Variants in RALGAPB observed in about 807,000 individuals in gnomAD.
The protein encoded by RALGAPB is ral GTPase-activating protein subunit beta.
A neutral mutation model predicts 161.1 loss-of-function variants in RALGAPB; 25 were observed. That is an observed-to-expected ratio of 0.16 (90% CI 0.11 to 0.22). The LOEUF (loss-of-function observed/expected upper bound fraction) is 0.22, where lower values mean the gene tolerates loss of function less well. RALGAPB is among the 10% of genes least tolerant of loss of function. The probability of loss-of-function intolerance (pLI) is 1.00; values close to 1 mark genes in which losing one functional copy is unlikely to be tolerated. For synonymous variants in RALGAPB, 629 were observed against 626.1 expected (o/e 1.00, Z -0.07); for missense variants, 1,391 against 1,815.2 (o/e 0.77, Z 4.25).
intron 24 of RALGAPB, among the ~76,000 whole-genome samples, chr20:38,563,467 G>A (rs2087864078): frequency 6.6e-6 from 1 of 152,172 alleles, no homozygotes; most frequent in African/African-American, 2.4e-5. Flanking sequence ...CCATCTCTGA[G>A]GATTCTTGCC....
At position 38,568,333 on chromosome 20, in the gene RALGAPB, T is replaced by TAC. The variant is rs771008935; in HGVS notation, c.3954+1102_3954+1103dup. ...GAAAACGCAGTTGACAAAAATTCAG[T>TAC]ACTCATTTATGAGAAAAGTTCTCAG... On this transcript the variant is annotated intron_variant, in intron 26 of 29. Coordinates refer to ENST00000262879, the MANE Select transcript of RALGAPB (RefSeq NM_020336.4). 8 of 152,178 alleles carry TAC rather than the reference T, an allele frequency of 5.3e-5. No individual in the cohort carries two copies. In the East Asian group the frequency reaches 1.4e-3, roughly 26 times the overall value. 9.4% of individuals were successfully genotyped at this position (152,178 alleles called of 1,614,324 possible). A position where few individuals can be genotyped will look rare whatever the true frequency, so the allele number is the denominator to read the frequency against.
Position 38,535,088 on chromosome 20 carries a change from T to C in RALGAPB, c.2260T>C (p.Ser754Pro). 6.2e-7 allele frequency: 1 copy of C among 1,614,056 alleles called. No homozygotes were observed. The highest frequency in any genetic ancestry group is 8.5e-7 in the Non-Finnish European group (1 of 1,179,900). ...LLRDYALNTDSAAGLLIRSIH... is the reference protein window; with the variant it reads ...LLRDYALNTDPAAGLLIRSIH... ...TTATATCCTAGCTCTTAATACAGAT[T>C]CAGCTGCTGGGCTCCTGATTCGCAG... Residue 754 changes from serine (S) to proline (P), a missense_variant, in exon 16 of 30, where the codon TCA (serine) becomes CCA (proline). Coordinates refer to ENST00000262879, the MANE Select transcript of RALGAPB (RefSeq NM_020336.4).
At chr20:38,540,316 C>A (rs2086927883) in intron 17 of RALGAPB, among the ~76,000 whole-genome samples, 1 of 152,188 alleles carries the variant, frequency 6.6e-6, no homozygotes, top group African/African-American at 2.4e-5. Context: ...AGGCTGCAAA[C>A]CTAGAGCACA....
chr20:38,551,047 A>T (rs1160654664), intron 20 of RALGAPB, 24 bp from the exon 21 acceptor site: 5 of 1,611,794 alleles, frequency 3.1e-6, no homozygotes, highest in Non-Finnish European at 4.2e-6. Flanking sequence ...TGTGTAATAA[A>T]CATAATGTTA....
intron 19 of RALGAPB, 58 bp from the exon 20 acceptor site, chr20:38,548,631 T>G (rs1276420730): frequency 8.1e-6 from 11 of 1,365,156 alleles, no homozygotes; most frequent in Non-Finnish European, 1.0e-5. Context: ...TGATAACAAG[T>G]TTATTTTAAA....
chr20:38,519,857 A>G (rs1049553637), intron 9 of RALGAPB, among the ~76,000 whole-genome samples: 43 of 152,294 alleles, frequency 2.8e-4, no homozygotes, highest in African/African-American at 4.8e-4. Flanking sequence ...GTTCACCTCT[A>G]ACTTAAAGTG....
chr20:38,504,865 AC>A (rs1435160224), intron 5 of RALGAPB, among the ~76,000 whole-genome samples: 2 of 152,286 alleles, frequency 1.3e-5, no homozygotes, highest in East Asian at 3.9e-4. Context: ...GCAAATCAAA[AC>A]CACAATGAGA....
intron 9 of RALGAPB, among the ~76,000 whole-genome samples, chr20:38,520,665 G>A: frequency 6.6e-6 from 1 of 151,692 alleles, no homozygotes; most frequent in Non-Finnish European, 1.5e-5. Context: ...TGGCTCATGG[G>A]AAGTTGCATA....
At chr20:38,554,898 C>G (rs545382616) in intron 22 of RALGAPB, among the ~76,000 whole-genome samples, 15 of 152,056 alleles carry the variant, frequency 9.9e-5, no homozygotes, top group Non-Finnish European at 2.1e-4. Flanking sequence ...GGCAACATAG[C>G]GAGACCCCCC....
At chr20:38,548,652 C>G in intron 19 of RALGAPB, 37 bp from the exon 20 acceptor site, 1 of 1,495,784 alleles carries the variant, frequency 6.7e-7, no homozygotes, top group Non-Finnish European at 9.2e-7. Context: ...TGGTTGTTGT[C>G]TGAAATTAAA....
At chr20:38,555,632 C>A (rs982825904) in intron 22 of RALGAPB, among the ~76,000 whole-genome samples, 4 of 152,148 alleles carry the variant, frequency 2.6e-5, no homozygotes, top group African/African-American at 9.7e-5. Flanking sequence ...ACTTCAGGGA[C>A]ACAAGAAAGG....
chr20:38,534,955 G>GTGCCCGTCGTTCTCACTGTGGC, intron 15 of RALGAPB, 119 bp from the exon 16 acceptor site: 1 of 1,228,032 alleles, frequency 8.1e-7, no homozygotes, highest in Non-Finnish European at 1.2e-6. Context: ...CACTGTGTGG[G>GTGCCCGTCGTTCTCACTGTGGC]TGCCCGTCGT....
intron 9 of RALGAPB, among the ~76,000 whole-genome samples, chr20:38,518,772 C>T (rs1267598783): frequency 6.6e-6 from 1 of 152,100 alleles, no homozygotes; most frequent in Non-Finnish European, 1.5e-5. Flanking sequence ...TGGCCAGGTA[C>T]TGTGATATAT....
In RALGAPB at chr20:38,539,809, C is replaced by G. The variant is rs2086913827; in HGVS notation, c.2413C>G (p.Arg805Gly). 2 of 1,613,766 alleles carry G rather than the reference C, an allele frequency of 1.2e-6. No individual in the cohort carries two copies. Among genetic ancestry groups the G allele is most frequent in the East Asian group, 4.5e-5 (2 of 44,860 alleles). ...GATGGTTGACTCAGGAGACCGGAAGCGAGCCATCAGTTCTGTGTGCACCTA... is the reference window on the plus strand; with the variant it reads ...GATGGTTGACTCAGGAGACCGGAAGGGAGCCATCAGTTCTGTGTGCACCTA... ...KVMVDSGDRK[R>G]AISSVCTYIV... is the part of the protein sequence containing the mutation. Residue 805 changes from arginine (R) to glycine (G), a missense_variant, in exon 17 of 30, where the codon CGA becomes GGA. Arg to Gly is a moderately radical substitution (Grantham distance 125). This residue lies in a region of RALGAPB where 946 missense variants were observed against 1,257.2 expected (regional missense o/e 0.75). Transcript: ENST00000262879.
chr20:38,575,020 A>G lies in RALGAPB; in HGVS notation c.*53A>G. 1 of 1,422,866 alleles carries G rather than the reference A, an allele frequency of 7.0e-7. No individual in the cohort carries two copies. The highest frequency in any genetic ancestry group is 9.9e-7 in the Non-Finnish European group (1 of 1,007,262). The allele number at this position is 1,422,866 out of a possible 1,614,324, so 88.1% of individuals were successfully genotyped here. ...TCCAGTTTGGGAACTATAACACAGC[A>G]GAACAGTTTGATAGGTGATCACTGT... On this transcript the variant is annotated 3_prime_UTR_variant, in exon 30 of 30. Transcript: ENST00000262879.
chr20:38,505,548 AAGTTGG>A (rs2085736594), intron 5 of RALGAPB, among the ~76,000 whole-genome samples: 1 of 152,180 alleles, frequency 6.6e-6, no homozygotes. Flanking sequence ...TCTAAAATTA[AAGTTGG>A]AAAATTTTAA....
At chr20:38,544,590 C>G (rs2087094961) in intron 18 of RALGAPB, among the ~76,000 whole-genome samples, 1 of 152,190 alleles carries the variant, frequency 6.6e-6, no homozygotes, top group South Asian at 2.1e-4. Context: ...CCCTCAGCTT[C>G]CCGAGTACCT....
At chr20:38,532,249 G>A (rs1356598921) in intron 14 of RALGAPB, among the ~76,000 whole-genome samples, 1 of 152,132 alleles carries the variant, frequency 6.6e-6, no homozygotes, top group East Asian at 1.9e-4. Flanking sequence ...AATAGAGATG[G>A]GGTTTCACTG....
At chr20:38,521,439 C>G in intron 9 of RALGAPB, 58 bp from the exon 10 acceptor site, 3 of 1,603,202 alleles carry the variant, frequency 1.9e-6, no homozygotes, top group Non-Finnish European at 2.6e-6. Flanking sequence ...TGTCCAGGGT[C>G]CCATGAGCCT....
Sources: gnomAD v4.1 joint callset for allele counts (sites outside exome capture counted in the v4.1 genomes callset) on GRCh38, gnomAD v4.1.1 for gene constraint, gnomAD v4.1.1 regional missense constraint, MANE v1.5 for transcripts, NCBI Gene and HGNC (gene_info 2026-07-23, HGNC 2026-07-21) for gene names.